CFAP20DC: variants seen among roughly 807,000 people sequenced by gnomAD.
CFAP20DC encodes the protein protein CFAP20DC.
A neutral mutation model predicts 101.7 loss-of-function variants in CFAP20DC; 84 were observed. The observed-to-expected ratio is 0.83, with a 90% CI of 0.69 to 0.99. The LOEUF (loss-of-function observed/expected upper bound fraction) is 0.99, where lower values mean the gene tolerates loss of function less well. Among genes scored for constraint, CFAP20DC ranks in the 50% least tolerant of loss-of-function variants. The pLI is 0.00. For synonymous variants in CFAP20DC, 359 were observed against 351.2 expected (o/e 1.02, Z -0.25); for missense variants, 1,007 against 970.3 (o/e 1.04, Z -0.50).
At chr3:58,946,972 G>A (rs2089451805) in intron 4 of CFAP20DC, among the ~76,000 whole-genome samples, 1 of 152,178 alleles carries the variant, frequency 6.6e-6, no homozygotes, top group Non-Finnish European at 1.5e-5. Flanking sequence ...TTTTACCAAT[G>A]TAGTGAGAGG....
chr3:58,920,147 C>A (rs1032635155), intron 5 of CFAP20DC, among the ~76,000 whole-genome samples: 1 of 128,034 alleles, frequency 7.8e-6, no homozygotes, highest in Non-Finnish European at 1.6e-5. Flanking sequence ...GTGACATGAT[C>A]ACTGCCAGTG....
chr3:58,924,379 C>CCTG (rs1329502523), intron 5 of CFAP20DC, among the ~76,000 whole-genome samples: 2 of 152,044 alleles, frequency 1.3e-5, no homozygotes, highest in Non-Finnish European at 2.9e-5. Context: ...GCCTTCAGTT[C>CCTG]CATCATGTTG....
chr3:58,799,496 G>GT lies in CFAP20DC; in HGVS notation c.2237+6898dup, dbSNP rs2073510051. Among the ~76,000 whole-genome samples, 1 of 152,188 alleles carries GT rather than the reference G, an allele frequency of 6.6e-6. No individual in the cohort carries two copies. The highest frequency in any genetic ancestry group is 6.5e-5 in the Admixed American group (1 of 15,282). On this transcript the variant is annotated intron_variant, in intron 15 of 16. Transcript: ENST00000482387. The surrounding 1 kb of genome is among the most constrained non-coding windows in gnomAD (Gnocchi z 4.9). Reference sequence around the variant, plus strand: ...TCCAGCTAGTGGAATACACAGTGACGTAGCTAGTGTAGAGAGATGAGGGAA... The same window carrying GT: ...TCCAGCTAGTGGAATACACAGTGACGTTAGCTAGTGTAGAGAGATGAGGGAA...
At position 58,721,512 on chromosome 3, in the gene CFAP20DC, T is replaced by C. The variant is rs1475592906; in HGVS notation, c.198-3884A>G. ...GATATTTAAGCTGAGATCTGAAGGA[T>C]ACGGGGGCATTAATACATGCAACAG... is the stretch of plus-strand genomic sequence containing the variant. On this transcript the variant is annotated intron_variant, in intron 3 of 3. Transcript: ENST00000486145. This position sits in a 1 kb window ranked among gnomAD's most constrained non-coding sequence, Gnocchi z 5.2. 6.6e-6 allele frequency among the ~76,000 whole-genome samples: 1 copy of C among 152,110 alleles called. No individual in the cohort carries two copies. The highest frequency in any genetic ancestry group is 1.9e-4 in the East Asian group (1 of 5,182).
intron 15 of CFAP20DC, among the ~76,000 whole-genome samples, chr3:58,772,770 A>G (rs1051100455): frequency 6.6e-6 from 1 of 152,242 alleles, no homozygotes; most frequent in African/African-American, 2.4e-5. Context: ...AATGTTGTCA[A>G]TCTATCTGTA....
intron 6 of CFAP20DC, among the ~76,000 whole-genome samples, chr3:58,908,350 C>T (rs1322499641): frequency 6.6e-6 from 1 of 152,264 alleles, no homozygotes; most frequent in Non-Finnish European, 1.5e-5. Flanking sequence ...GCCACCACCC[C>T]GTTTTCCTTC....
intron 4 of CFAP20DC, among the ~76,000 whole-genome samples, chr3:58,969,404 A>G (rs1340782011): frequency 1.3e-5 from 2 of 152,208 alleles, no homozygotes; most frequent in Non-Finnish European, 2.9e-5. Flanking sequence ...ATTAAACGAT[A>G]CAGCCTCTTT....
chr3:58,785,037 C>T (rs2072195714), intron 15 of CFAP20DC, among the ~76,000 whole-genome samples: 1 of 152,108 alleles, frequency 6.6e-6, no homozygotes, highest in South Asian at 2.1e-4. Context: ...CCTAAGTGTC[C>T]ATCAACGAAT....
chr3:58,853,350 C>T (rs1373446962), intron 12 of CFAP20DC, among the ~76,000 whole-genome samples: 2 of 152,092 alleles, frequency 1.3e-5, no homozygotes, highest in Admixed American at 1.3e-4. Flanking sequence ...CAATAGCTTA[C>T]CAACCAAAAA....
intron 4 of CFAP20DC, among the ~76,000 whole-genome samples, chr3:58,939,881 C>T: frequency 6.6e-6 from 1 of 151,468 alleles, no homozygotes; most frequent in Non-Finnish European, 1.5e-5. Context: ...ATTCTCCTGC[C>T]TGAGCCTCCT....
chr3:58,787,819 G>A (rs942372481), intron 15 of CFAP20DC, among the ~76,000 whole-genome samples: 2 of 152,152 alleles, frequency 1.3e-5, no homozygotes, highest in African/African-American at 2.4e-5. Flanking sequence ...AAAAACGGAT[G>A]AGTTCATGTC....
chr3:58,935,047 C>T (rs1227922759), intron 5 of CFAP20DC, among the ~76,000 whole-genome samples: 23 of 152,160 alleles, frequency 1.5e-4, no homozygotes, highest in Non-Finnish European at 4.4e-5. Flanking sequence ...CCAAAATCTC[C>T]TTAAGCTGAT....
intron 14 of CFAP20DC, among the ~76,000 whole-genome samples, chr3:58,820,514 G>A (rs1361103728): frequency 6.6e-6 from 1 of 150,448 alleles, no homozygotes; most frequent in African/African-American, 2.4e-5. Context: ...CAAACAGAGA[G>A]CCAAATCATG....
At chr3:58,900,636 C>T (rs975900176) in intron 6 of CFAP20DC, among the ~76,000 whole-genome samples, 1 of 152,154 alleles carries the variant, frequency 6.6e-6, no homozygotes, top group Non-Finnish European at 1.5e-5. Flanking sequence ...GTAATGTTGG[C>T]TGGAATGGCC....
At chr3:58,970,873 C>T (rs942421752) in intron 4 of CFAP20DC, 2 of 152,012 alleles carry the variant, frequency 1.3e-5, no homozygotes, top group African/African-American at 4.8e-5. Context: ...GTTCTCTTTC[C>T]CTTTCTTTAA....
chr3:59,046,263 G>GT lies in CFAP20DC; in HGVS notation c.170dup (p.Asn57LysfsTer10). The GT allele has an allele frequency of 6.5e-7, 1 of 1,532,120 alleles. No individual in the cohort carries two copies. The allele number at this position is 1,532,120 out of a possible 1,614,324, so 94.9% of individuals were successfully genotyped here. A position where few individuals can be genotyped will look rare whatever the true frequency, so the allele number is the denominator to read the frequency against. ...TATTCTCCTTTGGTAACTGAATTTT[G>GT]TTTGTTTGGCTGCTGCCTTCCAGGA... is the stretch of plus-strand genomic sequence containing the variant. On this transcript the variant is annotated frameshift_variant, in exon 3 of 17. Coordinates refer to ENST00000482387, the MANE Select transcript of CFAP20DC (RefSeq NM_001394063.1). LOFTEE classifies it high-confidence loss of function.
intron 15 of CFAP20DC, among the ~76,000 whole-genome samples, chr3:58,754,939 C>A (rs766810606): frequency 6.6e-6 from 1 of 152,122 alleles, no homozygotes; most frequent in Non-Finnish European, 1.5e-5. Context: ...AATTAGCACT[C>A]AATAAATTTC....
At position 59,014,676 on chromosome 3, in the gene CFAP20DC, G is replaced by A. The variant is rs533028855; in HGVS notation, c.278+24881C>T. Among the ~76,000 whole-genome samples, 17 of 152,304 alleles carry A rather than the reference G, an allele frequency of 1.1e-4. No homozygotes were observed. Among genetic ancestry groups the A allele is most frequent in the African/African-American group, 3.8e-4 (16 of 41,568 alleles). ...AGTTAACAGACATCTGATGTTTGAA[G>A]TGAGAGTAATTTATTTACTAACGGC... On this transcript the variant is annotated intron_variant, in intron 4 of 16. Transcript: ENST00000482387. The surrounding 1 kb of genome is among the most constrained non-coding windows in gnomAD (Gnocchi z 4.9).
At chr3:58,993,330 G>A (rs2093002513) in intron 4 of CFAP20DC, among the ~76,000 whole-genome samples, 1 of 152,096 alleles carries the variant, frequency 6.6e-6, no homozygotes, top group Non-Finnish European at 1.5e-5. Context: ...CTCTGAAGCA[G>A]GAAACCAGTA....
Sources: allele counts gnomAD v4.1 joint callset (sites outside exome capture counted in the v4.1 genomes callset), GRCh38; gene constraint gnomAD v4.1.1; non-coding constraint Gnocchi (gnomAD v3.1); transcripts MANE v1.5; gene names NCBI Gene and HGNC (gene_info 2026-07-23, HGNC 2026-07-21).